XPR1: variants seen among roughly 807,000 people sequenced by gnomAD.
The protein encoded by XPR1 is xenotropic and polytropic retrovirus receptor 1.
In XPR1, 28 loss-of-function variants were observed where a neutral mutation model predicts 87.5. The observed-to-expected ratio is 0.32, with a 90% CI of 0.24 to 0.44. XPR1 has a LOEUF of 0.44. XPR1 is among the 20% of genes least tolerant of loss of function. XPR1 has a pLI of 1.00. For synonymous variants in XPR1, 300 were observed against 306.1 expected (o/e 0.98, Z 0.21); for missense variants, 559 against 862.3 (o/e 0.65, Z 4.41).
chr1:180,818,562 T>G (rs1256418418), intron 7 of XPR1, among the ~76,000 whole-genome samples: 1 of 152,174 alleles, frequency 6.6e-6, no homozygotes, highest in Non-Finnish European at 1.5e-5. Flanking sequence ...AGTATATTGC[T>G]TACCCCAAAA....
chr1:180,720,353 T>TGACA (rs1283739420), intron 2 of XPR1, among the ~76,000 whole-genome samples: 2 of 152,228 alleles, frequency 1.3e-5, no homozygotes, highest in Non-Finnish European at 2.9e-5. Flanking sequence ...GTTGGTAATG[T>TGACA]GACAGTTCTT....
intron 2 of XPR1, among the ~76,000 whole-genome samples, chr1:180,746,389 G>A (rs898932226): frequency 3.3e-5 from 5 of 152,086 alleles, no homozygotes; most frequent in African/African-American, 1.2e-4. Flanking sequence ...TTCCATTCCT[G>A]AGTTACTTCA....
chr1:180,887,329 A>G lies in XPR1; in HGVS notation c.*3263A>G, dbSNP rs1653046714. 1 of 152,258 alleles carries G rather than the reference A, an allele frequency of 6.6e-6. No individual in the cohort carries two copies. The highest frequency in any genetic ancestry group is 1.5e-5 in the Non-Finnish European group (1 of 68,052). 9.4% of individuals were successfully genotyped at this position (152,258 alleles called of 1,614,324 possible). ...ATCAATTAAAATAGTCCTCAAAGGA[A>G]TGAAGAGGAAGTCTAAATAAATGAA... On this transcript the variant is annotated 3_prime_UTR_variant, in exon 15 of 15. Coordinates refer to ENST00000367590, the MANE Select transcript of XPR1 (RefSeq NM_004736.4).
At chr1:180,818,101 C>A (rs1433574303) in intron 7 of XPR1, among the ~76,000 whole-genome samples, 1 of 151,808 alleles carries the variant, frequency 6.6e-6, no homozygotes, top group Non-Finnish European at 1.5e-5. Context: ...CTCTATGCAT[C>A]AAGAAATTCT....
chr1:180,804,678 A>T (rs192295416), intron 4 of XPR1, among the ~76,000 whole-genome samples: 3 of 152,268 alleles, frequency 2.0e-5, no homozygotes, highest in African/African-American at 7.2e-5. Context: ...TAAATTGTTA[A>T]TGCATGTGTT....
intron 2 of XPR1, among the ~76,000 whole-genome samples, chr1:180,714,349 T>TTCTCTCCCTC (rs1657907001): frequency 1.4e-5 from 1 of 72,098 alleles, no homozygotes; most frequent in Non-Finnish European, 2.8e-5. Flanking sequence ...TTTTTCCCTG[T>TTCTCTCCCTC]TCTCTCTCTC....
At chr1:180,689,468 C>G (rs775860485) in intron 2 of XPR1, among the ~76,000 whole-genome samples, 9 of 152,032 alleles carry the variant, frequency 5.9e-5, no homozygotes, top group Non-Finnish European at 1.3e-4. Flanking sequence ...AAATTTCTCT[C>G]CTAATTTTTT....
At chr1:180,738,372 A>G (rs1053668667) in intron 2 of XPR1, among the ~76,000 whole-genome samples, 1 of 152,100 alleles carries the variant, frequency 6.6e-6, no homozygotes, top group African/African-American at 2.4e-5. Context: ...TTGCATTCCC[A>G]CCAGCAACAT....
At chr1:180,690,570 C>T (rs1352091186) in intron 2 of XPR1, among the ~76,000 whole-genome samples, 1 of 151,970 alleles carries the variant, frequency 6.6e-6, no homozygotes. Context: ...TTCCTAGGCT[C>T]CTTTCTTTAC....
chr1:180,684,462 G>A (rs1656693185), intron 2 of XPR1, among the ~76,000 whole-genome samples: 1 of 152,124 alleles, frequency 6.6e-6, no homozygotes, highest in Admixed American at 6.5e-5. Flanking sequence ...GATTGACTTG[G>A]CGATGCGGGC....
intron 1 of XPR1, among the ~76,000 whole-genome samples, chr1:180,667,053 C>G (rs1211636943): frequency 6.6e-6 from 1 of 152,104 alleles, no homozygotes; most frequent in Non-Finnish European, 1.5e-5. Context: ...GTTGCTGGAA[C>G]TACAGGTGCA....
chr1:180,755,767 T>C (rs1310428618), intron 2 of XPR1, among the ~76,000 whole-genome samples: 2 of 152,232 alleles, frequency 1.3e-5, no homozygotes, highest in Admixed American at 6.5e-5. Flanking sequence ...GTTTGTAGTT[T>C]TGTGCTTCTA....
chr1:180,740,986 C>T (rs1658897789), intron 2 of XPR1, among the ~76,000 whole-genome samples: 1 of 152,156 alleles, frequency 6.6e-6, no homozygotes, highest in South Asian at 2.1e-4. Context: ...CCTAATTGTT[C>T]ACCAAAGGCC....
At chr1:180,748,949 A>G (rs1447262198) in intron 2 of XPR1, among the ~76,000 whole-genome samples, 2 of 152,268 alleles carry the variant, frequency 1.3e-5, no homozygotes, top group Admixed American at 1.3e-4. Context: ...CTATAATCCC[A>G]GCACTTTGGG....
At chr1:180,881,928 A>G (rs538993248) in intron 14 of XPR1, among the ~76,000 whole-genome samples, 6 of 152,340 alleles carry the variant, frequency 3.9e-5, no homozygotes, top group African/African-American at 1.4e-4. Flanking sequence ...GCATCAAAAC[A>G]AAGCATGGTT....
In XPR1 at chr1:180,632,146, TGCC is replaced by T; in HGVS notation, c.-46_-44del. ...TGTGGGGAGGAGTCGGAGTCGCTGT[TGCC>T]GCCGCCGCCTGTAGCTGCTGGACCC... On this transcript the variant is annotated 5_prime_UTR_variant, in exon 1 of 15. Coordinates refer to ENST00000367590, the MANE Select transcript of XPR1 (RefSeq NM_004736.4). 1 of 1,567,924 alleles carries T rather than the reference TGCC, an allele frequency of 6.4e-7. No homozygotes were observed. The highest frequency in any genetic ancestry group is 8.6e-7 in the Non-Finnish European group (1 of 1,156,698).
At chr1:180,739,212 T>G (rs79066122) in intron 2 of XPR1, among the ~76,000 whole-genome samples, 6,248 of 152,292 alleles carry the variant, frequency 0.041, 163 homozygotes, top group African/African-American at 0.072. Flanking sequence ...ATTTCTGGAC[T>G]GTCTATTCTG....
At position 180,806,162 on chromosome 1, in the gene XPR1, C is replaced by T; in HGVS notation, c.548C>T (p.Ala183Val). Reference protein sequence around the residue: ...ADWRVAHVEVAPFYTCKKINQ... With the variant: ...ADWRVAHVEVVPFYTCKKINQ... Reference sequence around the variant, plus strand: ...TGGCGAGTGGCTCACGTAGAGGTGGCCCCATTTTATACATGCAAGAAAATC... The same window carrying T: ...TGGCGAGTGGCTCACGTAGAGGTGGTCCCATTTTATACATGCAAGAAAATC... Residue 183 changes from alanine to valine, a missense_variant, in exon 5 of 15, where the codon GCC (alanine) becomes GTC (valine). Around this residue, in one of 7 missense-constraint regions of XPR1, gnomAD observed 159 missense variants for 263.3 expected, o/e 0.60. Transcript: ENST00000367590. 1 of 1,613,412 alleles carries T rather than the reference C, an allele frequency of 6.2e-7. No homozygotes were observed. The highest frequency in any genetic ancestry group is 8.5e-7 in the Non-Finnish European group (1 of 1,179,548).
chr1:180,650,399 C>T (rs1655256528), intron 1 of XPR1, among the ~76,000 whole-genome samples: 1 of 152,124 alleles, frequency 6.6e-6, no homozygotes, highest in African/African-American at 2.4e-5. Flanking sequence ...CTATGCCTGG[C>T]TCCCCACACA....
Sources: allele counts gnomAD v4.1 joint callset (sites outside exome capture counted in the v4.1 genomes callset), GRCh38; gene constraint gnomAD v4.1.1; regional missense constraint gnomAD v4.1.1; transcripts MANE v1.5; gene names NCBI Gene and HGNC (gene_info 2026-07-23, HGNC 2026-07-21).